The following CLNK variants were observed in gnomAD, a reference collection of about 807,000 sequenced individuals.
CLNK encodes the protein cytokine-dependent hematopoietic cell linker.
In CLNK, 74 loss-of-function variants were observed where a neutral mutation model predicts 68.6. The ratio of observed to expected loss-of-function variants is 1.08; its 90% CI spans 0.89 to 1.31. The LOEUF is 1.31. CLNK is among the 50% of genes most tolerant of loss of function. The probability of loss-of-function intolerance (pLI) is 0.00; values close to 1 mark genes in which losing one functional copy is unlikely to be tolerated. For missense variants in CLNK, 553 were observed against 515.3 expected, an observed-to-expected ratio of 1.07 and a Z score of -0.71; for synonymous variants, 198 against 172.2, an observed-to-expected ratio of 1.15 and a Z score of -1.17.
chr4:10,519,683 T>C (rs1256113775), intron 15 of CLNK, among the ~76,000 whole-genome samples: 2 of 152,160 alleles, frequency 1.3e-5, no homozygotes, highest in African/African-American at 4.8e-5. Flanking sequence ...CAGAAGTGAC[T>C]TGAAGTCATG....
At chr4:10,658,852 A>C (rs904024942) in intron 2 of CLNK, among the ~76,000 whole-genome samples, 2 of 152,212 alleles carry the variant, frequency 1.3e-5, no homozygotes, top group Non-Finnish European at 2.9e-5. Flanking sequence ...GTCAGCATAC[A>C]CTGCAGAAAA....
At chr4:10,687,654 C>T (rs553377059), upstream of CLNK, among the ~76,000 whole-genome samples, 10 of 152,172 alleles carry the variant, frequency 6.6e-5, no homozygotes, top group African/African-American at 1.4e-4. Context: ...GCCTATACAG[C>T]GAAAGGTGGC....
At chr4:10,552,879 C>G (rs901407895) in intron 8 of CLNK, among the ~76,000 whole-genome samples, 1 of 152,166 alleles carries the variant, frequency 6.6e-6, no homozygotes, top group Non-Finnish European at 1.5e-5. Context: ...GCATTATAAT[C>G]TTCTCTGTCC....
chr4:10,506,278 G>A (rs867381576), intron 17 of CLNK, among the ~76,000 whole-genome samples: 1 of 152,094 alleles, frequency 6.6e-6, no homozygotes, highest in African/African-American at 2.4e-5. Flanking sequence ...GACTTCCTTT[G>A]GTTAAAGATG....
intron 7 of CLNK, among the ~76,000 whole-genome samples, chr4:10,562,765 T>G (rs1287683176): frequency 2.0e-5 from 3 of 152,198 alleles, no homozygotes; most frequent in Admixed American, 6.5e-5. Context: ...ACTGAGAATT[T>G]TTTTCCTTGA....
rs570741868 is a variant in CLNK, at chr4:10,674,537, G to C, written c.-42-6626C>G. Among the ~76,000 whole-genome samples the C allele has an allele frequency of 3.3e-5, 5 of 152,226 alleles. No individual in the cohort carries two copies. The South Asian group carries it at 1.0e-3, about 32-fold the overall frequency. On this transcript the variant is annotated intron_variant, in intron 1 of 18. Transcript: ENST00000226951. ...CATATAATTTATTAACCCTGACCTG[G>C]AACTCTTTGGGGATCCAAAATGAAC...
rs2109012254 is a variant in CLNK, at chr4:10,487,753, C to T, written c.*2714G>A. The T allele has an allele frequency of 6.6e-6, 1 of 152,248 alleles. No individual in the cohort carries two copies. The highest frequency in any genetic ancestry group is 1.9e-4 in the East Asian group (1 of 5,176). The allele number at this position is 152,248 out of a possible 1,614,324, so 9.4% of individuals were successfully genotyped here. A position where few individuals can be genotyped will look rare whatever the true frequency, so the allele number is the denominator to read the frequency against. On this transcript the variant is annotated 3_prime_UTR_variant, in exon 19 of 19. Coordinates refer to ENST00000226951, the MANE Select transcript of CLNK (RefSeq NM_052964.4). ...TCTCTGGGCAAACTTTGCTTTGGGC[C>T]TCACTATGAGCTGGCCAAAACTCTC...
At chr4:10,568,295 T>A (rs149686987) in intron 5 of CLNK, among the ~76,000 whole-genome samples, 1 of 152,284 alleles carries the variant, frequency 6.6e-6, no homozygotes, top group African/African-American at 2.4e-5. Context: ...CAAAATGGAA[T>A]GTTGCATGAT....
intron 4 of CLNK, among the ~76,000 whole-genome samples, chr4:10,574,769 C>T (rs774763956): frequency 6.6e-6 from 1 of 152,314 alleles, no homozygotes; most frequent in Middle Eastern, 3.4e-3. Flanking sequence ...TGACCCCTGA[C>T]CTAACCGCTT....
chr4:10,586,422 C>G (rs962936747), intron 3 of CLNK, among the ~76,000 whole-genome samples: 4 of 149,230 alleles, frequency 2.7e-5, no homozygotes, highest in African/African-American at 9.9e-5. Flanking sequence ...TCAAGCAATT[C>G]TCCTGCCTCA....
chr4:10,689,426 C>T (rs1208902278), upstream of CLNK, among the ~76,000 whole-genome samples: 1 of 152,202 alleles, frequency 6.6e-6, no homozygotes, highest in Non-Finnish European at 1.5e-5. Flanking sequence ...TGAGCCACTA[C>T]ACCCTGTCCT....
At chr4:10,577,813 T>A (rs1471205874) in intron 4 of CLNK, among the ~76,000 whole-genome samples, 1 of 152,208 alleles carries the variant, frequency 6.6e-6, no homozygotes, top group African/African-American at 2.4e-5. Context: ...CTATCGTGTT[T>A]AAGCCCCATT....
At chr4:10,525,964 A>G in intron 13 of CLNK, 42 bp from the exon 14 acceptor site, 1 of 1,206,406 alleles carries the variant, frequency 8.3e-7, no homozygotes, top group Admixed American at 2.1e-5. Context: ...TTGCAAAAGA[A>G]AAATAATTGA....
chr4:10,509,525 T>G (rs1243755826), intron 16 of CLNK, among the ~76,000 whole-genome samples: 2 of 97,776 alleles, frequency 2.0e-5, no homozygotes, highest in African/African-American at 6.3e-5. Flanking sequence ...AAAAGTCACC[T>G]CTTTTTTTTT....
At chr4:10,495,782 C>T (rs950664917) in intron 18 of CLNK, among the ~76,000 whole-genome samples, 2 of 151,280 alleles carry the variant, frequency 1.3e-5, no homozygotes, top group East Asian at 3.9e-4. Context: ...GAGAAGGTCA[C>T]GTGACCATAG....
intron 2 of CLNK, among the ~76,000 whole-genome samples, chr4:10,662,863 A>G (rs1724247665): frequency 6.6e-6 from 1 of 152,224 alleles, no homozygotes; most frequent in Non-Finnish European, 1.5e-5. Context: ...ACTGGAGACA[A>G]TTTCACCAAT....
At chr4:10,661,057 G>T (rs577694369) in intron 2 of CLNK, among the ~76,000 whole-genome samples, 121 of 152,306 alleles carry the variant, frequency 7.9e-4, no homozygotes, top group African/African-American at 2.8e-3. Context: ...ATCTCAGGGT[G>T]CCAAAATTGC....
the CLNK span, among the ~76,000 whole-genome samples, chr4:10,734,714 G>A: frequency 6.6e-6 from 1 of 152,174 alleles, no homozygotes; most frequent in Non-Finnish European, 1.5e-5. Flanking sequence ...CCCTTGTAAG[G>A]ATCTTGGACT....
rs372472925 is a variant in CLNK, at chr4:10,598,304, C to T, written c.12-255G>A. Among the ~76,000 whole-genome samples the T allele has an allele frequency of 5.3e-5, 8 of 152,318 alleles. No individual in the cohort carries two copies. The East Asian group carries it at 1.2e-3, about 22-fold the overall frequency. ...AGTAGTGTGGGGCAGAAGAAATGCC[C>T]ATTCAAGACAAGGATGTGGGCTGCC... On this transcript the variant is annotated intron_variant, in intron 2 of 18. Transcript: ENST00000226951.
Sources: gnomAD v4.1 joint callset for allele counts (sites outside exome capture counted in the v4.1 genomes callset) on GRCh38, gnomAD v4.1.1 for gene constraint, MANE v1.5 for transcripts, NCBI Gene and HGNC (gene_info 2026-07-23, HGNC 2026-07-21) for gene names.